The following EIF2B3 variants were observed in gnomAD, a reference collection of about 807,000 sequenced individuals.
EIF2B3 encodes the protein translation initiation factor eIF2B subunit gamma.
EIF2B3 carries 20 observed loss-of-function variants against 54.1 expected under a neutral mutation model. That is an observed-to-expected ratio of 0.37 (90% CI 0.26 to 0.54). EIF2B3 has a LOEUF of 0.54. EIF2B3 is among the 20% of genes least tolerant of loss of function. EIF2B3 has a pLI of 0.86. For synonymous variants in EIF2B3, 153 were observed against 188.1 expected (o/e 0.81, Z 1.52); for missense variants, 448 against 547.8 (o/e 0.82, Z 1.82).
chr1:44,877,188 TCAA>T lies in EIF2B3; in HGVS notation c.976-1496_976-1494del, dbSNP rs1557666418. On this transcript the variant is annotated intron_variant, in intron 8 of 11. Transcript: ENST00000360403. ...CTCTGCGAGAAACACCCAAGAATGATCAATAAAAAAAAAAAAAAAAAAAAAAAA... is the reference window on the plus strand; with the variant it reads ...CTCTGCGAGAAACACCCAAGAATGATTAAAAAAAAAAAAAAAAAAAAAAAA... Among the ~76,000 whole-genome samples, 5 of 36,678 alleles carry T rather than the reference TCAA, an allele frequency of 1.4e-4. No individual in the cohort carries two copies. The East Asian group carries it at 4.4e-3, about 32-fold the overall frequency. 24.1% of individuals were successfully genotyped at this position (36,678 alleles called of 152,430 possible).
intron 8 of EIF2B3, 88 bp downstream of exon 8, chr1:44,879,730 G>T: frequency 1.4e-6 from 2 of 1,452,600 alleles, no homozygotes; most frequent in East Asian, 4.5e-5. Context: ...TTCTTAACAA[G>T]TTACTATGTA....
intron 5 of EIF2B3, among the ~76,000 whole-genome samples, chr1:44,918,333 T>G (rs1341307490): frequency 6.7e-6 from 1 of 149,890 alleles, no homozygotes; most frequent in Non-Finnish European, 1.5e-5. Context: ...CTGGCCGTCT[T>G]GGCCTCCCAA....
intron 3 of EIF2B3, among the ~76,000 whole-genome samples, chr1:44,958,176 G>A (rs903084763): frequency 1.3e-5 from 2 of 152,170 alleles, no homozygotes; most frequent in Non-Finnish European, 2.9e-5. Flanking sequence ...CTGTGTGCCA[G>A]TCCAGAACTG....
intron 7 of EIF2B3, 34 bp from the exon 8 acceptor site, chr1:44,880,042 G>A (rs770699443): frequency 1.2e-6 from 2 of 1,605,920 alleles, no homozygotes; most frequent in South Asian, 1.1e-5. Context: ...GGAAATAAAT[G>A]AGAGAGAGAT....
intron 3 of EIF2B3, among the ~76,000 whole-genome samples, chr1:44,942,621 T>C (rs1213617061): frequency 4.7e-5 from 7 of 147,988 alleles, no homozygotes; most frequent in Non-Finnish European, 1.0e-4. Context: ...AGAGATGGTG[T>C]CTCCCTATGT....
chr1:44,884,526 T>C (rs1655515158), intron 6 of EIF2B3, among the ~76,000 whole-genome samples: 2 of 152,166 alleles, frequency 1.3e-5, no homozygotes. Context: ...TTTTGAAAAA[T>C]TCTGTGTTAA....
intron 8 of EIF2B3, among the ~76,000 whole-genome samples, chr1:44,877,313 G>C (rs1278124882): frequency 6.6e-6 from 1 of 151,044 alleles, no homozygotes; most frequent in Non-Finnish European, 1.5e-5. Context: ...GGAGGCTGCT[G>C]CATTCCCCCT....
At chr1:44,856,478 G>T (rs1654437555) in intron 11 of EIF2B3, among the ~76,000 whole-genome samples, 1 of 145,180 alleles carries the variant, frequency 6.9e-6, no homozygotes, top group Non-Finnish European at 1.5e-5. Context: ...TAGCACTACT[G>T]TACTCCAGCC....
intron 11 of EIF2B3, among the ~76,000 whole-genome samples, chr1:44,852,941 A>G (rs1654321336): frequency 6.6e-6 from 1 of 152,182 alleles, no homozygotes; most frequent in Non-Finnish European, 1.5e-5. Flanking sequence ...GGAGAGCTAA[A>G]GCTGAATGCA....
intron 4 of EIF2B3, among the ~76,000 whole-genome samples, chr1:44,938,699 C>G (rs1643985281): frequency 6.6e-6 from 1 of 152,042 alleles, no homozygotes; most frequent in Non-Finnish European, 1.5e-5. Context: ...GTTACCCAGA[C>G]TGGTCTCAAA....
intron 5 of EIF2B3, among the ~76,000 whole-genome samples, chr1:44,902,829 TAAAAAAAAA>T (rs11458839): frequency 2.5e-4 from 21 of 85,462 alleles, no homozygotes; most frequent in African/African-American, 4.9e-4. Flanking sequence ...ACTCTTTCTT[TAAAAAAAAA>T]AAAAAAAAAA....
At position 44,888,427 on chromosome 1, in the gene EIF2B3, G is replaced by A. The variant is rs891517243; in HGVS notation, c.657-6688C>T. ...GGGGAACCCAGAAACGGGACATGCC[G>A]GCAAAGGGGTAAAAATTTCTTGCCA... On this transcript the variant is annotated intron_variant, in intron 6 of 11. Coordinates refer to ENST00000360403, the MANE Select transcript of EIF2B3 (RefSeq NM_020365.5). 4.0e-5 allele frequency among the ~76,000 whole-genome samples: 6 copies of A among 151,762 alleles called. No individual in the cohort carries two copies. The South Asian group carries it at 6.2e-4, about 16-fold the overall frequency.
intron 6 of EIF2B3, among the ~76,000 whole-genome samples, chr1:44,884,287 G>A (rs1655506273): frequency 6.6e-6 from 1 of 151,976 alleles, no homozygotes; most frequent in South Asian, 2.1e-4. Context: ...AGATAATGAG[G>A]CCTGAGAGAG....
At chr1:44,954,479 A>C (rs2148950526) in intron 3 of EIF2B3, among the ~76,000 whole-genome samples, 2 of 152,180 alleles carry the variant, frequency 1.3e-5, no homozygotes, top group East Asian at 3.9e-4. Flanking sequence ...TAGGTATTTT[A>C]TTCCCTTTTT....
intron 3 of EIF2B3, among the ~76,000 whole-genome samples, chr1:44,943,569 C>G (rs1434670488): frequency 6.6e-6 from 1 of 151,034 alleles, no homozygotes; most frequent in African/African-American, 2.4e-5. Flanking sequence ...ACAGGCGTGC[C>G]CCACCACACC....
At chr1:44,982,002 T>C (rs1217637959) in intron 1 of EIF2B3, among the ~76,000 whole-genome samples, 1 of 149,260 alleles carries the variant, frequency 6.7e-6, no homozygotes, top group Non-Finnish European at 1.5e-5. Context: ...TGACTAGAAT[T>C]AACAGCAGAA....
In EIF2B3 at chr1:44,958,697, CTG is replaced by C. The variant is rs1302318575; in HGVS notation, c.295-17034_295-17033del. On this transcript the variant is annotated intron_variant, in intron 3 of 11. Transcript: ENST00000360403. ...GTGAGTTTAGTCGCTCACCAGCTAT[CTG>C]TGCTGCCTGAAACAGTACCCTTTCT... 2.5e-6 allele frequency: 4 copies of C among 1,596,682 alleles called. No individual in the cohort carries two copies. In the African/African-American group the frequency reaches 5.4e-5, roughly 21 times the overall value.
chr1:44,965,996 A>G (rs1177781401), intron 3 of EIF2B3, among the ~76,000 whole-genome samples: 1 of 152,122 alleles, frequency 6.6e-6, no homozygotes, highest in Admixed American at 6.6e-5. Flanking sequence ...AGTTAAAAGC[A>G]TAGCCTCTGA....
chr1:44,881,490 G>T lies in EIF2B3; in HGVS notation c.784+122C>A. On this transcript the variant is annotated intron_variant, in intron 7 of 11. Coordinates refer to ENST00000360403, the MANE Select transcript of EIF2B3 (RefSeq NM_020365.5). The surrounding 1 kb of genome is among the most constrained non-coding windows in gnomAD (Gnocchi z 4.0). ...TGGGTTGGCAAGCCTGTCTTGCCTC[G>T]TAGGCTAGAAATAGTCTGCTGCCTT... 7.3e-7 allele frequency: 1 copy of T among 1,371,594 alleles called. No individual in the cohort carries two copies. The highest frequency in any genetic ancestry group is 1.0e-6 in the Non-Finnish European group (1 of 976,100). 85.0% of individuals were successfully genotyped at this position (1,371,594 alleles called of 1,614,324 possible).
Sources: gnomAD v4.1 joint callset for allele counts (sites outside exome capture counted in the v4.1 genomes callset) on GRCh38, gnomAD v4.1.1 for gene constraint, Gnocchi (gnomAD v3.1) non-coding constraint, MANE v1.5 for transcripts, NCBI Gene and HGNC (gene_info 2026-07-23, HGNC 2026-07-21) for gene names.